Variants in ITGAM observed in about 807,000 individuals in gnomAD.
ITGAM encodes integrin alpha-M.
ITGAM carries 79 observed loss-of-function variants against 137.5 expected under a neutral mutation model. The ratio of observed to expected loss-of-function variants is 0.57; its 90% CI spans 0.48 to 0.69. The LOEUF is 0.69. ITGAM is among the 30% of genes least tolerant of loss of function. The probability of loss-of-function intolerance (pLI) is 0.00; values close to 1 mark genes in which losing one functional copy is unlikely to be tolerated. For missense variants in ITGAM, 1,343 were observed against 1,483.5 expected, an observed-to-expected ratio of 0.91 and a Z score of 1.56; for synonymous variants, 583 against 592.3, an observed-to-expected ratio of 0.98 and a Z score of 0.23.
chr16:31,281,823 T>G (rs143441329), intron 12 of ITGAM, among the ~76,000 whole-genome samples: 8,334 of 152,266 alleles, frequency 0.055, 781 homozygotes, highest in African/African-American at 0.19. Flanking sequence ...AGGTGTCAAT[T>G]TTAGATCTTT....
intron 14 of ITGAM, 112 bp from the exon 15 acceptor site, chr16:31,321,127 TGA>T: frequency 8.4e-7 from 1 of 1,188,570 alleles, no homozygotes; most frequent in Non-Finnish European, 1.2e-6. Context: ...TTGCAAGAGA[TGA>T]GACTTGAGTA....
At chr16:31,310,818 T>G (rs1023471244) in intron 14 of ITGAM, among the ~76,000 whole-genome samples, 1 of 152,138 alleles carries the variant, frequency 6.6e-6, no homozygotes, top group African/African-American at 2.4e-5. Flanking sequence ...TTCCCCATCT[T>G]TGTGGTTTTA....
In ITGAM at chr16:31,324,910, C is replaced by A; in HGVS notation, c.2290-48C>A. ...GATTTTATTGTTTAATTTCACAATA[C>A]TTGGTTATTTTCTTTCCTTTCATTT... On this transcript the variant is annotated intron_variant, in intron 18 of 29. Transcript: ENST00000544665. The surrounding 1 kb of genome is among the most constrained non-coding windows in gnomAD (Gnocchi z 4.5). The A allele has an allele frequency of 6.4e-7, 1 of 1,555,568 alleles. No individual in the cohort carries two copies. The highest frequency in any genetic ancestry group is 8.7e-7 in the Non-Finnish European group (1 of 1,143,776).
intron 16 of ITGAM, among the ~76,000 whole-genome samples, chr16:31,322,450 T>C (rs2080460248): frequency 6.6e-6 from 1 of 152,196 alleles, no homozygotes; most frequent in African/African-American, 2.4e-5. Context: ...CCCCCTCTAC[T>C]CTTTGGCTGA....
intron 14 of ITGAM, among the ~76,000 whole-genome samples, chr16:31,304,933 G>T (rs1433261858): frequency 6.6e-6 from 1 of 151,884 alleles, no homozygotes; most frequent in East Asian, 1.9e-4. Context: ...TATTGCTTTG[G>T]CTATTTGGGC....
chr16:31,298,379 A>G (rs2080160687), intron 14 of ITGAM, among the ~76,000 whole-genome samples: 1 of 152,120 alleles, frequency 6.6e-6, no homozygotes, highest in Non-Finnish European at 1.5e-5. Flanking sequence ...AGACTTGCAC[A>G]TGCATGCGTG....
rs1567284014 is a variant in ITGAM, at chr16:31,330,554, C to T, written c.3225C>T (p.Asn1075=). ...TGAGCACAGCTGAGATCTTGTTTAA[C>T]GATTCCGTGTTCACCCTGCTGCCGG... ...LIVSTAEILF[N]DSVFTLLPGQ... The change falls in exon 28 of 30, where the codon AAC becomes AAT. Residue 1075 remains asparagine, a synonymous_variant. Coordinates refer to ENST00000544665, the MANE Select transcript of ITGAM (RefSeq NM_000632.4). The T allele has an allele frequency of 6.2e-7, 1 of 1,613,306 alleles. No individual in the cohort carries two copies. Among genetic ancestry groups the T allele is most frequent in the Non-Finnish European group, 8.5e-7 (1 of 1,179,558 alleles).
At chr16:31,271,652 C>T (rs926473182) in intron 6 of ITGAM, among the ~76,000 whole-genome samples, 195 bp from the exon 7 acceptor site, 9 of 152,196 alleles carry the variant, frequency 5.9e-5, no homozygotes, top group African/African-American at 1.9e-4. Context: ...TGCTCCCGGC[C>T]GCTGGCCGTG....
At chr16:31,302,953 T>C (rs1360302990) in intron 14 of ITGAM, among the ~76,000 whole-genome samples, 4 of 133,216 alleles carry the variant, frequency 3.0e-5, no homozygotes, top group African/African-American at 1.2e-4. Context: ...TCTTTCTTTC[T>C]TTCTTTCTTT....
Position 31,276,978 on chromosome 16 carries a change from A to G in ITGAM, c.1142A>G (p.Tyr381Cys), listed in dbSNP as rs2144310644. 6.2e-7 allele frequency: 1 copy of G among 1,613,156 alleles called. No individual in the cohort carries two copies. Among genetic ancestry groups the G allele is most frequent in the Middle Eastern group, 1.6e-4 (1 of 6,062 alleles). Residue 381 changes from tyrosine (Y) to cysteine (C), a missense_variant, in exon 11 of 30, where the codon TAT becomes TGT. Tyr to Cys is a radical substitution (Grantham distance 194, BLOSUM62 -2). Transcript: ENST00000544665. ...GACTGGGCTGGTGGAGTCTTTCTAT[A>G]TACATCAAAGGAGAAAAGCACCTTC... ...SYDWAGGVFL[Y>C]TSKEKSTFIN...
chr16:31,311,348 A>G (rs1254136153), intron 14 of ITGAM, among the ~76,000 whole-genome samples: 1 of 152,224 alleles, frequency 6.6e-6, no homozygotes, highest in East Asian at 1.9e-4. Context: ...TGAACAGGCA[A>G]CCTACTGAAT....
At chr16:31,314,291 G>A (rs1050378918) in intron 14 of ITGAM, among the ~76,000 whole-genome samples, 3 of 151,980 alleles carry the variant, frequency 2.0e-5, no homozygotes, top group African/African-American at 7.2e-5. Context: ...GTTTTAGTAA[G>A]GAAGATTTTG....
chr16:31,298,082 A>T, intron 14 of ITGAM, 128 bp downstream of exon 14: 1 of 768,704 alleles, frequency 1.3e-6, no homozygotes, highest in South Asian at 1.6e-5. Flanking sequence ...AAATAATAAC[A>T]TGTGGCTGGG....
intron 4 of ITGAM, 24 bp downstream of exon 4, chr16:31,265,905 G>C: frequency 6.2e-7 from 1 of 1,611,674 alleles, no homozygotes; most frequent in South Asian, 1.1e-5. Context: ...GATCAGAGGA[G>C]CATCCTAATG....
chr16:31,330,709 G>A, intron 28 of ITGAM, 104 bp downstream of exon 28: 1 of 756,690 alleles, frequency 1.3e-6, no homozygotes, highest in Non-Finnish European at 2.1e-6. Context: ...GAGAGAGAGA[G>A]ACAGAGCGAC....
chr16:31,275,385 T>G (rs1299999216), intron 8 of ITGAM, among the ~76,000 whole-genome samples, 164 bp from the exon 9 acceptor site: 1 of 152,322 alleles, frequency 6.6e-6, no homozygotes, highest in African/African-American at 2.4e-5. Flanking sequence ...CCTTGTGCAG[T>G]GTACAACCTG....
intron 14 of ITGAM, among the ~76,000 whole-genome samples, chr16:31,302,003 G>C (rs2080201575): frequency 6.6e-6 from 1 of 152,016 alleles, no homozygotes; most frequent in African/African-American, 2.4e-5. Context: ...ATAAAACAGT[G>C]TTAACATAAT....
chr16:31,329,073 T>TTCCCCCCCCCCCCCCCCCCCCCCCCC, intron 23 of ITGAM, 155 bp from the exon 24 acceptor site: 2 of 426,236 alleles, frequency 4.7e-6, no homozygotes, highest in Middle Eastern at 6.2e-4. Flanking sequence ...ACACATTGGT[T>TTCCCCCCCCCCCCCCCCCCCCCCCCC]CCCCCATCCC....
chr16:31,310,954 G>C (rs1402421766), intron 14 of ITGAM, among the ~76,000 whole-genome samples: 2 of 152,128 alleles, frequency 1.3e-5, no homozygotes, highest in Non-Finnish European at 2.9e-5. Flanking sequence ...CAATGGAACA[G>C]AACTGAGCAC....
Sources: gnomAD v4.1 joint callset for allele counts (sites outside exome capture counted in the v4.1 genomes callset) on GRCh38, gnomAD v4.1.1 for gene constraint, Gnocchi (gnomAD v3.1) non-coding constraint, MANE v1.5 for transcripts, NCBI Gene and HGNC (gene_info 2026-07-23, HGNC 2026-07-21) for gene names.